The following CREB5 variants were observed in gnomAD, a reference collection of about 807,000 sequenced individuals.
The protein encoded by CREB5 is cyclic AMP-responsive element-binding protein 5.
Under a neutral mutation model 57.1 loss-of-function variants are expected in CREB5, and 19 were observed. The observed-to-expected ratio is 0.33, with a 90% CI of 0.23 to 0.49. The LOEUF is 0.49. Among genes scored for constraint, CREB5 ranks in the 20% least tolerant of loss-of-function variants. The pLI is 0.99. For missense variants in CREB5, 579 were observed against 671.6 expected (o/e 0.86, Z 1.52); for synonymous variants, 238 against 238.3 (o/e 1.00, Z 0.01).
intron 5 of CREB5, among the ~76,000 whole-genome samples, chr7:28,590,021 G>A (rs1300884665): frequency 6.6e-6 from 1 of 152,140 alleles, no homozygotes; most frequent in African/African-American, 2.4e-5. Flanking sequence ...GAAAAAGTCA[G>A]GAAACAACAG....
At chr7:28,320,251 A>G (rs1023392291) in intron 1 of CREB5, among the ~76,000 whole-genome samples, 2 of 152,094 alleles carry the variant, frequency 1.3e-5, no homozygotes, top group Admixed American at 6.5e-5. Flanking sequence ...ATCTTGATGT[A>G]ACACCAATCC....
intron 7 of CREB5, among the ~76,000 whole-genome samples, chr7:28,776,627 A>G (rs1230214698): frequency 6.6e-6 from 1 of 152,214 alleles, no homozygotes; most frequent in Middle Eastern, 3.2e-3. Flanking sequence ...TTGTGCAACC[A>G]TCAACACTAT....
intron 7 of CREB5, among the ~76,000 whole-genome samples, chr7:28,732,225 A>C (rs1004659345): frequency 5.9e-5 from 9 of 151,782 alleles, no homozygotes; most frequent in Non-Finnish European, 1.0e-4. Context: ...TCTCGGTTTT[A>C]TTTCTTTCTC....
At chr7:28,560,875 CGT>C (rs1238154632) in intron 4 of CREB5, among the ~76,000 whole-genome samples, 626 of 19,186 alleles carry the variant, frequency 0.033, 67 homozygotes, top group African/African-American at 0.087. Flanking sequence ...CCTGCGTGCG[CGT>C]GCGTGCGTGC....
intron 4 of CREB5, among the ~76,000 whole-genome samples, chr7:28,553,111 A>G (rs1321549188): frequency 6.6e-6 from 1 of 152,220 alleles, no homozygotes; most frequent in Non-Finnish European, 1.5e-5. Context: ...CATTCTCTAA[A>G]CAAGAACAAC....
chr7:28,319,859 T>A (rs1785459462), intron 1 of CREB5, among the ~76,000 whole-genome samples: 2 of 152,192 alleles, frequency 1.3e-5, no homozygotes, highest in African/African-American at 4.8e-5. Flanking sequence ...TTTATTCTCA[T>A]GGAAAACATT....
At chr7:28,445,592 C>T (rs920384211) in intron 1 of CREB5, among the ~76,000 whole-genome samples, 25 of 151,838 alleles carry the variant, frequency 1.6e-4, no homozygotes, top group Admixed American at 3.9e-4. Context: ...CGCTCTGTTG[C>T]CCAGGCTGGA....
intron 1 of CREB5, among the ~76,000 whole-genome samples, chr7:28,442,489 A>T (rs1162813566): frequency 2.2e-5 from 3 of 136,176 alleles, no homozygotes; most frequent in Non-Finnish European, 3.3e-5. Flanking sequence ...TTGATGGATT[A>T]TATGGTAGTT....
intron 1 of CREB5, among the ~76,000 whole-genome samples, chr7:28,444,722 C>A (rs751279711): frequency 6.6e-6 from 1 of 152,190 alleles, no homozygotes; most frequent in Non-Finnish European, 1.5e-5. Flanking sequence ...GCACCTGAAG[C>A]TATTGGCTCT....
intron 1 of CREB5, among the ~76,000 whole-genome samples, chr7:28,440,789 G>T (rs948635792): frequency 6.6e-6 from 1 of 152,158 alleles, no homozygotes; most frequent in African/African-American, 2.4e-5. Context: ...TTTGAACCTT[G>T]TCATCAGGTG....
In CREB5 at chr7:28,720,111, A is replaced by C. The variant is rs961947357; in HGVS notation, c.591+1232A>C. On this transcript the variant is annotated intron_variant, in intron 6 of 10. Transcript: ENST00000357727. Reference sequence around the variant, plus strand: ...AGATAAACATAGAAGGGAGATACCCAGTTTTCCAGAAGAAATATTTCTTTC... The same window carrying C: ...AGATAAACATAGAAGGGAGATACCCCGTTTTCCAGAAGAAATATTTCTTTC... Among the ~76,000 whole-genome samples the C allele has an allele frequency of 4.6e-5, 7 of 152,228 alleles. No homozygotes were observed. In the South Asian group the frequency reaches 8.3e-4, roughly 18 times the overall value.
At chr7:28,465,612 C>T (rs929316795) in intron 1 of CREB5, among the ~76,000 whole-genome samples, 3 of 152,118 alleles carry the variant, frequency 2.0e-5, no homozygotes, top group African/African-American at 7.2e-5. Context: ...ATAGTGTGAC[C>T]TCAGTCATTT....
intron 5 of CREB5, among the ~76,000 whole-genome samples, chr7:28,614,210 C>T (rs918469048): frequency 7.9e-5 from 12 of 152,304 alleles, no homozygotes; most frequent in Admixed American, 2.6e-4. Context: ...CTGTCCTTCT[C>T]GGCCCCCTGA....
At chr7:28,621,193 G>T (rs1202196647) in intron 5 of CREB5, among the ~76,000 whole-genome samples, 1 of 150,148 alleles carries the variant, frequency 6.7e-6, no homozygotes, top group Non-Finnish European at 1.5e-5. Context: ...ATTCGGGGTT[G>T]GGGGGTGGGG....
intron 7 of CREB5, among the ~76,000 whole-genome samples, chr7:28,776,590 T>TC (rs1292741057): frequency 6.6e-6 from 1 of 152,186 alleles, no homozygotes; most frequent in African/African-American, 2.4e-5. Flanking sequence ...AGTGCACAGT[T>TC]CAGTGGTTTT....
At chr7:28,437,730 A>G (rs1005235000) in intron 1 of CREB5, among the ~76,000 whole-genome samples, 1 of 152,208 alleles carries the variant, frequency 6.6e-6, no homozygotes, top group African/African-American at 2.4e-5. Context: ...ATTATTAGTA[A>G]TCACATTGTT....
chr7:28,560,906 G>A (rs1294221617), intron 4 of CREB5, among the ~76,000 whole-genome samples: 1 of 54,594 alleles, frequency 1.8e-5, no homozygotes, highest in African/African-American at 1.2e-4. Context: ...GCGTGCGCGC[G>A]TGCGTGTGCG....
chr7:28,532,186 C>T (rs1235514072), intron 4 of CREB5, among the ~76,000 whole-genome samples: 1 of 152,188 alleles, frequency 6.6e-6, no homozygotes, highest in African/African-American at 2.4e-5. Flanking sequence ...GTCCACGTGG[C>T]CAGGAGCTGA....
At chr7:28,305,950 CAT>C (rs1785174284) in intron 1 of CREB5, among the ~76,000 whole-genome samples, 2 of 152,012 alleles carry the variant, frequency 1.3e-5, no homozygotes, top group South Asian at 4.1e-4. Context: ...TGCATTTACA[CAT>C]ATGTGTATGG....
Sources: gnomAD v4.1 joint callset for allele counts (sites outside exome capture counted in the v4.1 genomes callset) on GRCh38, gnomAD v4.1.1 for gene constraint, MANE v1.5 for transcripts, NCBI Gene and HGNC (gene_info 2026-07-23, HGNC 2026-07-21) for gene names.